SUGCT: variants seen among roughly 807,000 people sequenced by gnomAD.
The protein encoded by SUGCT is succinyl-CoA:glutarate-CoA transferase, also known as succinyl-CoA:glutarate CoA-transferase.
In SUGCT, 41 loss-of-function variants were observed where a neutral mutation model predicts 55.0. That is an observed-to-expected ratio of 0.74 (90% CI 0.58 to 0.97). SUGCT has a LOEUF of 0.97. SUGCT is among the 50% of genes least tolerant of loss of function. SUGCT has a pLI of 0.00. For synonymous variants in SUGCT, 187 were observed against 200.4 expected, an observed-to-expected ratio of 0.93 and a Z score of 0.56; for missense variants, 568 against 547.8, an observed-to-expected ratio of 1.04 and a Z score of -0.37.
intron 12 of SUGCT, among the ~76,000 whole-genome samples, chr7:40,611,453 A>G (rs1798764557): frequency 6.6e-6 from 1 of 152,180 alleles, no homozygotes; most frequent in African/African-American, 2.4e-5. Flanking sequence ...TGAATGACTG[A>G]ATGTCCTTTC....
At chr7:40,754,565 A>G (rs1383715425) in intron 13 of SUGCT, among the ~76,000 whole-genome samples, 3 of 152,182 alleles carry the variant, frequency 2.0e-5, no homozygotes, top group Admixed American at 6.5e-5. Flanking sequence ...GGCATGAACA[A>G]TGAACATGGA....
the SUGCT span, among the ~76,000 whole-genome samples, chr7:41,018,147 C>G: frequency 0.097 from 14,732 of 151,844 alleles, 1,505 homozygotes; most frequent in African/African-American, 0.25. Context: ...GGCCTGGGGA[C>G]AGACAGACAC....
chr7:40,402,678 A>G (rs1241798974), intron 9 of SUGCT, among the ~76,000 whole-genome samples: 1 of 151,994 alleles, frequency 6.6e-6, no homozygotes, highest in African/African-American at 2.4e-5. Context: ...GAATCCATGT[A>G]TGTATTTTAA....
At chr7:40,496,238 T>TA in intron 11 of SUGCT, 46 bp from the exon 12 acceptor site, 1 of 1,270,004 alleles carries the variant, frequency 7.9e-7, no homozygotes, top group East Asian at 2.4e-5. Context: ...GAGGCTGTGT[T>TA]ACATTCCTTC....
At chr7:40,840,752 A>G (rs535624809) in intron 13 of SUGCT, among the ~76,000 whole-genome samples, 17 of 133,832 alleles carry the variant, frequency 1.3e-4, no homozygotes, top group Admixed American at 9.8e-4. Flanking sequence ...AATAGAATCA[A>G]TGAAACAAAA....
chr7:40,471,857 TA>T (rs1790417996), intron 11 of SUGCT, among the ~76,000 whole-genome samples: 1 of 152,030 alleles, frequency 6.6e-6, no homozygotes, highest in Non-Finnish European at 1.5e-5. Flanking sequence ...AAGAGACTAT[TA>T]AAATAGGTCA....
the SUGCT span, among the ~76,000 whole-genome samples, chr7:40,899,199 A>G: frequency 6.6e-6 from 1 of 152,114 alleles, no homozygotes; most frequent in African/African-American, 2.4e-5. Context: ...GACCTTTCTG[A>G]GAACAGACTG....
Position 40,237,667 on chromosome 7 carries a change from G to A in SUGCT, c.517G>A (p.Ala173Thr). The A allele has an allele frequency of 6.2e-7, 1 of 1,613,888 alleles. No homozygotes were observed. Among genetic ancestry groups the A allele is most frequent in the Non-Finnish European group, 8.5e-7 (1 of 1,179,860 alleles). Residue 173 changes from alanine (A) to threonine (T), a missense_variant, in exon 7 of 14, where the codon GCT becomes ACT. Transcript: ENST00000335693. The part of the protein sequence containing the change: ...YGQTGPISQR[A>T]GYDAVASAVS... Reference sequence around the variant, plus strand: ...TCAGACAGGTCCAATTTCTCAGCGAGCTGGTTATGATGCTGTTGCCTCGGC... The same window carrying A: ...TCAGACAGGTCCAATTTCTCAGCGAACTGGTTATGATGCTGTTGCCTCGGC...
At chr7:40,824,581 C>T (rs1792218513) in intron 13 of SUGCT, among the ~76,000 whole-genome samples, 1 of 152,162 alleles carries the variant, frequency 6.6e-6, no homozygotes, top group Non-Finnish European at 1.5e-5. Flanking sequence ...CGCTAAATCT[C>T]AAGTAATGAT....
the SUGCT span, among the ~76,000 whole-genome samples, chr7:41,030,651 C>T: frequency 4.5e-3 from 692 of 152,250 alleles, 4 homozygotes; most frequent in African/African-American, 0.016. Context: ...GGATTTCCCA[C>T]ACCACCCCAA....
At chr7:40,750,041 C>T (rs1787930212) in intron 13 of SUGCT, among the ~76,000 whole-genome samples, 1 of 152,138 alleles carries the variant, frequency 6.6e-6, no homozygotes, top group South Asian at 2.1e-4. Flanking sequence ...TAAACCAGCT[C>T]ACCAGAGACT....
chr7:40,422,488 G>T (rs1787361575), intron 9 of SUGCT, among the ~76,000 whole-genome samples: 1 of 151,810 alleles, frequency 6.6e-6, no homozygotes, highest in South Asian at 2.1e-4. Context: ...TCATCCTTTT[G>T]TCTGGCATTG....
At chr7:40,619,631 TAGCTTTTA>T (rs890480429) in intron 12 of SUGCT, among the ~76,000 whole-genome samples, 3 of 152,248 alleles carry the variant, frequency 2.0e-5, no homozygotes, top group Non-Finnish European at 4.4e-5. Flanking sequence ...TTTTATTATA[TAGCTTTTA>T]AAATCTGATA....
At chr7:40,176,234 A>AG (rs1784916484) in intron 1 of SUGCT, among the ~76,000 whole-genome samples, 1 of 152,086 alleles carries the variant, frequency 6.6e-6, no homozygotes, top group African/African-American at 2.4e-5. Flanking sequence ...AAGAAAAAAA[A>AG]AAAAAATTTA....
the SUGCT span, among the ~76,000 whole-genome samples, chr7:40,993,976 C>G: frequency 6.6e-6 from 1 of 152,290 alleles, no homozygotes; most frequent in African/African-American, 2.4e-5. Flanking sequence ...TGTAAGGCAG[C>G]TTAGTTACCC....
chr7:40,320,486 A>G (rs1795668417), intron 9 of SUGCT, among the ~76,000 whole-genome samples: 1 of 152,208 alleles, frequency 6.6e-6, no homozygotes, highest in Non-Finnish European at 1.5e-5. Flanking sequence ...GAGGGTGCAG[A>G]GAAAGCAGAT....
At chr7:40,275,715 A>T (rs1584536056) in intron 8 of SUGCT, among the ~76,000 whole-genome samples, 2 of 152,106 alleles carry the variant, frequency 1.3e-5, no homozygotes, top group East Asian at 3.9e-4. Context: ...GAGTTGATTA[A>T]CTCCCAGAAA....
At chr7:40,620,795 ATTG>A (rs1477781020) in intron 12 of SUGCT, among the ~76,000 whole-genome samples, 1 of 152,144 alleles carries the variant, frequency 6.6e-6, no homozygotes, top group Non-Finnish European at 1.5e-5. Flanking sequence ...ACACAAATAG[ATTG>A]TTAAGTGTTA....
intron 12 of SUGCT, among the ~76,000 whole-genome samples, chr7:40,509,796 T>G (rs983172203): frequency 1.3e-5 from 2 of 152,198 alleles, no homozygotes; most frequent in Non-Finnish European, 2.9e-5. Flanking sequence ...TCTTCCTCAG[T>G]CCATCTGCTG....
Sources: allele counts gnomAD v4.1 joint callset (sites outside exome capture counted in the v4.1 genomes callset), GRCh38; gene constraint gnomAD v4.1.1; transcripts MANE v1.5; gene names NCBI Gene and HGNC (gene_info 2026-07-23, HGNC 2026-07-21).